The following EIF4G3 variants were observed in gnomAD, a reference collection of about 807,000 sequenced individuals.
EIF4G3 encodes the protein eIF-4-gamma 3.
A neutral mutation model predicts 186.4 loss-of-function variants in EIF4G3; 34 were observed. The observed-to-expected ratio is 0.18, with a 90% CI of 0.14 to 0.24. The LOEUF is 0.24. EIF4G3 is among the 10% of genes least tolerant of loss of function. The pLI is 1.00. For synonymous variants in EIF4G3, 673 were observed against 679.5 expected (o/e 0.99, Z 0.15); for missense variants, 1,536 against 1,948.5 (o/e 0.79, Z 3.99).
intron 30 of EIF4G3, among the ~76,000 whole-genome samples, chr1:20,838,571 G>T (rs2067453121): frequency 6.6e-6 from 1 of 152,072 alleles, no homozygotes; most frequent in Non-Finnish European, 1.5e-5. Flanking sequence ...TTTAAAACTG[G>T]GAAACCATCC....
chr1:21,013,965 T>A (rs2088015644), intron 4 of EIF4G3, among the ~76,000 whole-genome samples: 2 of 151,990 alleles, frequency 1.3e-5, no homozygotes, highest in African/African-American at 4.8e-5. Flanking sequence ...AGATCAGGAG[T>A]TCGAGACCAG....
chr1:21,069,781 G>A (rs1317359203), intron 3 of EIF4G3, among the ~76,000 whole-genome samples: 1 of 152,176 alleles, frequency 6.6e-6, no homozygotes, highest in Non-Finnish European at 1.5e-5. Flanking sequence ...AGAGGAGGGG[G>A]TAGGAAAGCA....
At position 21,112,001 on chromosome 1, in the gene EIF4G3, A is replaced by G. The variant is rs1019895412; in HGVS notation, c.-271-22788T>C. Among the ~76,000 whole-genome samples the G allele has an allele frequency of 3.9e-5, 6 of 152,198 alleles. 1 individual carries two copies. The highest frequency in any genetic ancestry group is 1.4e-4 in the African/African-American group (6 of 41,460). On this transcript the variant is annotated intron_variant, in intron 2 of 36. Coordinates refer to ENST00000602326, the MANE Select transcript of EIF4G3 (RefSeq NM_001391906.1). ...ACAGGCCAAAGATCTAGTTTATTAA[A>G]TATACTTGTTCTCACCATGCCAGCT...
At chr1:20,946,870 T>C (rs1250278907) in intron 13 of EIF4G3, among the ~76,000 whole-genome samples, 1 of 151,962 alleles carries the variant, frequency 6.6e-6, no homozygotes, top group Non-Finnish European at 1.5e-5. Context: ...GGAGGGAGAC[T>C]TTAGAGTTAA....
intron 4 of EIF4G3, among the ~76,000 whole-genome samples, chr1:21,034,383 G>A (rs184880792): frequency 1.6e-3 from 245 of 152,064 alleles, no homozygotes; most frequent in Admixed American, 2.4e-3. Context: ...TCTACATTAC[G>A]ACCATCCAAT....
At chr1:21,070,975 T>A (rs1046054371) in intron 3 of EIF4G3, among the ~76,000 whole-genome samples, 1 of 152,240 alleles carries the variant, frequency 6.6e-6, no homozygotes, top group Non-Finnish European at 1.5e-5. Context: ...CACCCCCTCA[T>A]ACCCTGCATA....
intron 36 of EIF4G3, among the ~76,000 whole-genome samples, chr1:20,809,456 T>A (rs2058798002): frequency 6.6e-6 from 1 of 152,232 alleles, no homozygotes; most frequent in African/African-American, 2.4e-5. Flanking sequence ...AGCTATGTAC[T>A]GCCCGCTTTA....
At chr1:20,817,282 AAAAATAAAAATAAAAATTCATG>A in intron 34 of EIF4G3, 88 bp downstream of exon 34, 12 of 379,340 alleles carry the variant, frequency 3.2e-5, no homozygotes, top group Non-Finnish European at 4.3e-5. Context: ...ATAAATAAAA[AAAAATAAAAATAAAAATTCATG>A]AAGTGAACTG....
intron 4 of EIF4G3, among the ~76,000 whole-genome samples, chr1:21,029,587 T>C (rs563170092): frequency 1.3e-5 from 2 of 151,962 alleles, no homozygotes; most frequent in Admixed American, 6.5e-5. Context: ...CTGCACAACA[T>C]AGCAAGACCT....
intron 4 of EIF4G3, among the ~76,000 whole-genome samples, chr1:21,016,314 A>G (rs1156887967): frequency 6.6e-6 from 1 of 152,190 alleles, no homozygotes; most frequent in Non-Finnish European, 1.5e-5. Flanking sequence ...ACAAAAAGAG[A>G]ATCAAAATGT....
intron 4 of EIF4G3, among the ~76,000 whole-genome samples, chr1:21,023,414 A>G (rs927260221): frequency 4.7e-4 from 69 of 146,560 alleles, no homozygotes; most frequent in Admixed American, 1.9e-3. Flanking sequence ...GATTGCAGGC[A>G]CGCGCCGCCA....
chr1:21,167,672 C>T (rs530396809), intron 2 of EIF4G3, among the ~76,000 whole-genome samples: 6 of 152,114 alleles, frequency 3.9e-5, no homozygotes, highest in Non-Finnish European at 5.9e-5. Context: ...GCAGGGGAAC[C>T]GCTTGAACCC....
chr1:20,976,487 A>G (rs576172077), intron 10 of EIF4G3, among the ~76,000 whole-genome samples: 1 of 152,208 alleles, frequency 6.6e-6, no homozygotes, highest in Admixed American at 6.5e-5. Flanking sequence ...CCAAATTATA[A>G]ATTTAATAGT....
At chr1:21,018,769 T>A (rs1332557675) in intron 4 of EIF4G3, among the ~76,000 whole-genome samples, 1 of 152,098 alleles carries the variant, frequency 6.6e-6, no homozygotes, top group African/African-American at 2.4e-5. Context: ...TAGAAGAGCC[T>A]GTCACCTGGT....
intron 33 of EIF4G3, among the ~76,000 whole-genome samples, chr1:20,819,600 T>C (rs2061822898): frequency 6.6e-6 from 1 of 152,154 alleles, no homozygotes; most frequent in Non-Finnish European, 1.5e-5. Flanking sequence ...AACCAAATAC[T>C]GCGTGTTCTC....
At chr1:21,105,516 C>T (rs908006122) in intron 2 of EIF4G3, among the ~76,000 whole-genome samples, 6 of 142,648 alleles carry the variant, frequency 4.2e-5, no homozygotes, top group Non-Finnish European at 9.4e-5. Flanking sequence ...CATATATACC[C>T]CTGAACCTAA....
chr1:20,889,851 G>A (rs1369963475), intron 18 of EIF4G3, among the ~76,000 whole-genome samples: 4 of 152,106 alleles, frequency 2.6e-5, no homozygotes, highest in Non-Finnish European at 5.9e-5. Flanking sequence ...CAACAGATAT[G>A]CACTTTACTA....
At chr1:21,175,952 G>T (rs1159512003) in intron 2 of EIF4G3, 2 of 234,310 alleles carry the variant, frequency 8.5e-6, no homozygotes, top group East Asian at 9.0e-5. Flanking sequence ...GCATGGCCAA[G>T]TGGGGCTAGC....
intron 19 of EIF4G3, among the ~76,000 whole-genome samples, chr1:20,883,936 A>G (rs945561011): frequency 6.6e-6 from 1 of 152,144 alleles, no homozygotes; most frequent in African/African-American, 2.4e-5. Flanking sequence ...GTAATAGAGG[A>G]GAAAGAAGAA....
Sources: allele counts gnomAD v4.1 joint callset (sites outside exome capture counted in the v4.1 genomes callset), GRCh38; gene constraint gnomAD v4.1.1; transcripts MANE v1.5; gene names NCBI Gene and HGNC (gene_info 2026-07-23, HGNC 2026-07-21).